The following COL11A1 variants were observed in gnomAD, a reference collection of about 807,000 sequenced individuals.
The protein encoded by COL11A1 is collagen type XI alpha 1 chain.
COL11A1 carries 74 observed loss-of-function variants against 265.2 expected under a neutral mutation model. That is an observed-to-expected ratio of 0.28 (90% CI 0.23 to 0.34). COL11A1 has a LOEUF of 0.34. Among genes scored for constraint, COL11A1 ranks in the 10% least tolerant of loss-of-function variants. The pLI is 1.00. For missense variants in COL11A1, 2,165 were observed against 2,263.6 expected (o/e 0.96, Z 0.88); for synonymous variants, 816 against 727.6 (o/e 1.12, Z -1.96).
intron 26 of COL11A1, among the ~76,000 whole-genome samples, 183 bp downstream of exon 26, chr1:102,996,897 A>G (rs1015974413): frequency 1.3e-5 from 2 of 151,966 alleles, no homozygotes; most frequent in African/African-American, 4.8e-5. Context: ...ATATTTTTTA[A>G]AAAGAGAGAA....
chr1:102,984,243 TTAAA>T (rs777178443), intron 30 of COL11A1, 52 bp from the exon 31 acceptor site: 36 of 1,191,490 alleles, frequency 3.0e-5, no homozygotes, highest in African/African-American at 6.1e-5. Context: ...TGAATTAAGC[TTAAA>T]TAATGATTTC....
intron 65 of COL11A1, 90 bp downstream of exon 65, chr1:102,881,607 G>C: frequency 9.6e-7 from 1 of 1,043,826 alleles, no homozygotes; most frequent in South Asian, 1.3e-5. Context: ...GCATAATTTA[G>C]ACTTTCACTG....
intron 30 of COL11A1, among the ~76,000 whole-genome samples, chr1:102,986,306 C>A (rs548391853): frequency 1.3e-5 from 2 of 150,862 alleles, no homozygotes; most frequent in African/African-American, 4.9e-5. Context: ...AGCAAACTAT[C>A]GCAAGGACAA....
intron 57 of COL11A1, among the ~76,000 whole-genome samples, chr1:102,896,700 G>GA (rs1652478660): frequency 6.6e-6 from 1 of 152,102 alleles, no homozygotes; most frequent in Admixed American, 6.6e-5. Flanking sequence ...ACAAAAGTTT[G>GA]TATGCCAAAT....
intron 2 of COL11A1, among the ~76,000 whole-genome samples, chr1:103,081,411 C>A (rs183447317): frequency 2.0e-5 from 3 of 151,742 alleles, no homozygotes; most frequent in Non-Finnish European, 4.4e-5. Flanking sequence ...AAGCAGCTTA[C>A]CTTTTTACTT....
At chr1:102,884,517 G>A (rs1469525546) in intron 63 of COL11A1, 1 of 152,202 alleles carries the variant, frequency 6.6e-6, no homozygotes, top group Non-Finnish European at 1.5e-5. Flanking sequence ...CTCAGGAGGT[G>A]GGCTACTGGG....
At chr1:102,963,083 A>G (rs530766870) in intron 38 of COL11A1, among the ~76,000 whole-genome samples, 1 of 152,318 alleles carries the variant, frequency 6.6e-6, no homozygotes, top group African/African-American at 2.4e-5. Context: ...ATTTTTAATT[A>G]CAGTTTTATC....
intron 25 of COL11A1, 43 bp from the exon 26 acceptor site, chr1:102,997,167 C>T (rs1664710917): frequency 6.8e-7 from 1 of 1,472,498 alleles, no homozygotes. Flanking sequence ...GTAATATAAA[C>T]ATAGTTGATA....
At chr1:102,937,674 G>A (rs1205071655) in intron 44 of COL11A1, among the ~76,000 whole-genome samples, 1 of 152,028 alleles carries the variant, frequency 6.6e-6, no homozygotes, top group Non-Finnish European at 1.5e-5. Context: ...GTTCAGGCCC[G>A]GTTCCCCTTT....
rs563002916 is a variant in COL11A1, at chr1:102,908,858, A to G, written c.4086+3301T>C. 9.3e-4 allele frequency among the ~76,000 whole-genome samples: 141 copies of G among 152,230 alleles called. 1 individual carries two copies. In the Middle Eastern group the frequency reaches 0.01, roughly 11 times the overall value. ...AAGGGTTTTTAAATACATTTTAATCAGGGGAGTTAACAATGTTGTCTAGTT... is the reference window on the plus strand; with the variant it reads ...AAGGGTTTTTAAATACATTTTAATCGGGGGAGTTAACAATGTTGTCTAGTT... On this transcript the variant is annotated intron_variant, in intron 54 of 66. Coordinates refer to ENST00000370096, the MANE Select transcript of COL11A1 (RefSeq NM_001854.4).
intron 1 of COL11A1, among the ~76,000 whole-genome samples, chr1:103,094,865 A>G (rs1001757922): frequency 1.3e-5 from 2 of 152,110 alleles, no homozygotes; most frequent in African/African-American, 2.4e-5. Flanking sequence ...TGGATTTTCA[A>G]TGCACAGGGA....
chr1:102,909,476 C>T (rs1654390091), intron 54 of COL11A1, among the ~76,000 whole-genome samples: 2 of 152,028 alleles, frequency 1.3e-5, no homozygotes, highest in African/African-American at 4.8e-5. Context: ...GCTTCATGTT[C>T]TTAAAGCAAC....
chr1:102,922,196 T>C (rs567109473), intron 47 of COL11A1, among the ~76,000 whole-genome samples: 3 of 152,330 alleles, frequency 2.0e-5, no homozygotes, highest in East Asian at 1.9e-4. Flanking sequence ...TGTACATTAG[T>C]ACATTTCACT....
intron 57 of COL11A1, among the ~76,000 whole-genome samples, chr1:102,895,698 C>T (rs939163841): frequency 5.3e-5 from 8 of 151,692 alleles, no homozygotes; most frequent in African/African-American, 1.9e-4. Flanking sequence ...TCCACACTTA[C>T]ACCTCTCTGT....
intron 46 of COL11A1, among the ~76,000 whole-genome samples, chr1:102,933,961 G>A (rs530329530): frequency 3.9e-5 from 6 of 152,180 alleles, no homozygotes; most frequent in Admixed American, 2.0e-4. Context: ...CACACGGTGC[G>A]CGCACCCACT....
chr1:102,913,500 A>G, intron 53 of COL11A1, 137 bp downstream of exon 53: 1 of 762,518 alleles, frequency 1.3e-6, no homozygotes, highest in Non-Finnish European at 2.2e-6. Context: ...GGAATTCAAA[A>G]ATTTTTTTGA....
At chr1:102,899,956 C>T (rs886193403) in intron 54 of COL11A1, among the ~76,000 whole-genome samples, 1 of 152,020 alleles carries the variant, frequency 6.6e-6, no homozygotes, top group Non-Finnish European at 1.5e-5. Flanking sequence ...GAGGGTACAA[C>T]GTGCATTGCT....
At chr1:102,904,877 A>G (rs1272200516) in intron 54 of COL11A1, among the ~76,000 whole-genome samples, 1 of 152,168 alleles carries the variant, frequency 6.6e-6, no homozygotes, top group African/African-American at 2.4e-5. Flanking sequence ...ATTACTGGGT[A>G]TATACCCAAA....
intron 39 of COL11A1, 21 bp downstream of exon 39, chr1:102,962,632 G>C: frequency 6.2e-7 from 1 of 1,612,996 alleles, no homozygotes; most frequent in Non-Finnish European, 8.5e-7. Flanking sequence ...GCCAAAAAAA[G>C]TTTTCTGAAG....
Sources: gnomAD v4.1 joint callset for allele counts (sites outside exome capture counted in the v4.1 genomes callset) on GRCh38, gnomAD v4.1.1 for gene constraint, MANE v1.5 for transcripts, NCBI Gene and HGNC (gene_info 2026-07-23, HGNC 2026-07-21) for gene names.